Variants in PKHD1L1 observed in about 807,000 individuals in gnomAD.
PKHD1L1 encodes the protein PKHD1 like 1.
In PKHD1L1, 434 loss-of-function variants were observed where a neutral mutation model predicts 462.9. The ratio of observed to expected loss-of-function variants is 0.94; its 90% CI spans 0.87 to 1.02. The LOEUF is 1.02. Ranked by LOEUF, PKHD1L1 falls within the 50% of genes least tolerant of loss-of-function variation. PKHD1L1 has a pLI of 0.00. For synonymous variants in PKHD1L1, 1,781 were observed against 1,750.0 expected (o/e 1.02, Z -0.44); for missense variants, 5,202 against 5,096.1 (o/e 1.02, Z -0.63).
chr8:109,405,313 C>A (rs1813478698), intron 16 of PKHD1L1, among the ~76,000 whole-genome samples, 183 bp downstream of exon 16: 1 of 152,038 alleles, frequency 6.6e-6, no homozygotes, highest in African/African-American at 2.4e-5. Context: ...GACATCCATA[C>A]AAATAACTTT....
At chr8:109,470,693 T>G (rs1817671797) in intron 50 of PKHD1L1, 1 of 1,581,624 alleles carries the variant, frequency 6.3e-7, no homozygotes, top group African/African-American at 1.4e-5. Flanking sequence ...GAAAAAGGAA[T>G]GGCAAATCTG....
intron 75 of PKHD1L1, 32 bp from the exon 76 acceptor site, chr8:109,523,198 ATTG>A (rs1820642076): frequency 6.6e-7 from 1 of 1,525,136 alleles, no homozygotes; most frequent in African/African-American, 1.4e-5. Context: ...AAACAGGACA[ATTG>A]TTATAATTAT....
chr8:109,427,044 T>C lies in PKHD1L1; in HGVS notation c.2888T>C (p.Leu963Pro), dbSNP rs1281027574. ...AVSAADLQFA[L>P]QSLEGMGRIS... Reference sequence around the variant, plus strand: ...TCAGCTGCAGATCTGCAGTTTGCACTCCAGAGTCTGGAGGGAATGGGAAGA... The same window carrying C: ...TCAGCTGCAGATCTGCAGTTTGCACCCCAGAGTCTGGAGGGAATGGGAAGA... The change falls in exon 25 of 78, where the codon CTC (leucine) becomes CCC (proline). Residue 963 changes from leucine to proline, a missense_variant. Leu to Pro is a moderately conservative substitution (Grantham distance 98, BLOSUM62 -3). Coordinates refer to ENST00000378402, the MANE Select transcript of PKHD1L1 (RefSeq NM_177531.6). The C allele has an allele frequency of 6.2e-7, 1 of 1,613,408 alleles. No individual in the cohort carries two copies. The highest frequency in any genetic ancestry group is 8.5e-7 in the Non-Finnish European group (1 of 1,179,490).
At chr8:109,480,352 T>G (rs2130884340) in intron 55 of PKHD1L1, among the ~76,000 whole-genome samples, 1 of 152,198 alleles carries the variant, frequency 6.6e-6, no homozygotes, top group African/African-American at 2.4e-5. Context: ...TACTATAGGA[T>G]TCTTGAGTCT....
At position 109,458,027 on chromosome 8, in the gene PKHD1L1, G is replaced by A. The variant is rs565781927; in HGVS notation, c.7005-1568G>A. Among the ~76,000 whole-genome samples the A allele has an allele frequency of 4.6e-5, 7 of 151,922 alleles. No homozygotes were observed. In the East Asian group the frequency reaches 1.4e-3, roughly 29 times the overall value. ...CTTGTCCCCATCCACCCATTGTCTT[G>A]ATAAACAGCTTTGTTCTCCTGTCTC... is the stretch of plus-strand genomic sequence containing the variant. On this transcript the variant is annotated intron_variant, in intron 46 of 77. Transcript: ENST00000378402.
Position 109,385,519 on chromosome 8 carries a change from GT to G in PKHD1L1, c.476-13del. Reference sequence around the variant, plus strand: ...TTTTCTTACACAGAATCTTTTTGGGGTTTTTGTTTGTTTTCAGGTACACTAA... The same window carrying G: ...TTTTCTTACACAGAATCTTTTTGGGGTTTTGTTTGTTTTCAGGTACACTAA... On this transcript the variant is annotated splice_polypyrimidine_tract_variant and intron_variant, in intron 5 of 77. Coordinates refer to ENST00000378402, the MANE Select transcript of PKHD1L1 (RefSeq NM_177531.6). The G allele has an allele frequency of 2.0e-6, 3 of 1,508,532 alleles. No individual in the cohort carries two copies. Among genetic ancestry groups the G allele is most frequent in the South Asian group, 1.2e-5 (1 of 83,386 alleles). The allele number at this position is 1,508,532 out of a possible 1,614,324, so 93.4% of individuals were successfully genotyped here. A position where few individuals can be genotyped will look rare whatever the true frequency, so the allele number is the denominator to read the frequency against.
intron 27 of PKHD1L1, among the ~76,000 whole-genome samples, chr8:109,432,608 G>A (rs1586498222): frequency 6.6e-6 from 1 of 152,100 alleles, no homozygotes; most frequent in Non-Finnish European, 1.5e-5. Flanking sequence ...AGTTTAAGAC[G>A]CTGGAACACA....
intron 50 of PKHD1L1, among the ~76,000 whole-genome samples, chr8:109,471,562 C>A (rs1817718784): frequency 6.6e-6 from 1 of 152,070 alleles, no homozygotes; most frequent in African/African-American, 2.4e-5. Flanking sequence ...CACATGATAC[C>A]AGCAGCAACT....
intron 44 of PKHD1L1, 40 bp from the exon 45 acceptor site, chr8:109,454,683 G>A: frequency 6.2e-7 from 1 of 1,603,744 alleles, no homozygotes; most frequent in East Asian, 2.2e-5. Context: ...TGGATTTGGG[G>A]TTTTAATTTT....
At chr8:109,431,368 C>G (rs1011777945) in intron 27 of PKHD1L1, among the ~76,000 whole-genome samples, 1 of 152,098 alleles carries the variant, frequency 6.6e-6, no homozygotes, top group South Asian at 2.1e-4. Context: ...GTCATATTTA[C>G]TTCCAATCAT....
Position 109,480,578 on chromosome 8 carries a change from A to G in PKHD1L1, c.9327+439A>G, listed in dbSNP as rs751977337. ...GCAAGAGAAAATAAATCAAAATGTTACAGTTATTCGGAACAATCCCCACAT... is the reference window on the plus strand; with the variant it reads ...GCAAGAGAAAATAAATCAAAATGTTGCAGTTATTCGGAACAATCCCCACAT... On this transcript the variant is annotated intron_variant, in intron 55 of 77. Transcript: ENST00000378402. 17 of 455,432 alleles carry G rather than the reference A, an allele frequency of 3.7e-5. No individual in the cohort carries two copies. The East Asian group carries it at 1.2e-3, about 32-fold the overall frequency. 28.2% of individuals were successfully genotyped at this position (455,432 alleles called of 1,614,324 possible).
intron 21 of PKHD1L1, among the ~76,000 whole-genome samples, chr8:109,414,990 T>C (rs867581433): frequency 6.8e-6 from 1 of 147,468 alleles, no homozygotes; most frequent in Admixed American, 6.8e-5. Flanking sequence ...ATTATTATTA[T>C]TATTATTATT....
At chr8:109,368,944 G>A (rs142432501) in intron 2 of PKHD1L1, among the ~76,000 whole-genome samples, 1 of 151,988 alleles carries the variant, frequency 6.6e-6, no homozygotes, top group African/African-American at 2.4e-5. Flanking sequence ...ACTTCCAGAG[G>A]TGGTGTTTTT....
At position 109,378,221 on chromosome 8, in the gene PKHD1L1, A is replaced by G. The variant is rs558949293; in HGVS notation, c.164-3149A>G. Among the ~76,000 whole-genome samples the G allele has an allele frequency of 3.3e-5, 5 of 152,114 alleles. No homozygotes were observed. In the South Asian group the frequency reaches 1.0e-3, roughly 32 times the overall value. On this transcript the variant is annotated intron_variant, in intron 2 of 77. Coordinates refer to ENST00000378402, the MANE Select transcript of PKHD1L1 (RefSeq NM_177531.6). The stretch of plus-strand genomic sequence containing the variant: ...TTGAACTGATGCCATTTATCCCATT[A>G]TTTATCCCATTTTTCACTGAGATAA...
At chr8:109,508,436 C>G (rs1042947054) in intron 70 of PKHD1L1, among the ~76,000 whole-genome samples, 172 bp downstream of exon 70, 4 of 151,946 alleles carry the variant, frequency 2.6e-5, no homozygotes, top group Admixed American at 1.3e-4. Flanking sequence ...TCCTGCAGTA[C>G]CTCATCCAGG....
chr8:109,461,115 G>A (rs1311588925), intron 47 of PKHD1L1, among the ~76,000 whole-genome samples: 1 of 152,190 alleles, frequency 6.6e-6, no homozygotes, highest in Non-Finnish European at 1.5e-5. Flanking sequence ...GCAGGAAGCA[G>A]AATGCATCTT....
intron 52 of PKHD1L1, 138 bp downstream of exon 52, chr8:109,476,805 G>T (rs1818012447): frequency 4.0e-6 from 3 of 751,000 alleles, no homozygotes; most frequent in Admixed American, 7.7e-5. Flanking sequence ...TGGAAAAACT[G>T]GAGACAAAAT....
In PKHD1L1 at chr8:109,531,463, TAGAGAC is replaced by T. The variant is rs1037735385; in HGVS notation, c.*1385_*1390del. On this transcript the variant is annotated 3_prime_UTR_variant, in exon 78 of 78. Coordinates refer to ENST00000378402, the MANE Select transcript of PKHD1L1 (RefSeq NM_177531.6). ...AGAGAGACAGAGAAAGACAGAGAGA[TAGAGAC>T]AGAGACAGAGAGGGAGGGGGAGAGA... Among the ~76,000 whole-genome samples, 2 of 110,196 alleles carry T rather than the reference TAGAGAC, an allele frequency of 1.8e-5. No individual in the cohort carries two copies. The highest frequency in any genetic ancestry group is 5.3e-5 in the African/African-American group (2 of 38,026). The allele number at this position is 110,196 out of a possible 152,430, so 72.3% of individuals were successfully genotyped here. A position where few individuals can be genotyped will look rare whatever the true frequency, so the allele number is the denominator to read the frequency against.
rs1817331107 is a variant in PKHD1L1, at chr8:109,464,694, G to T, written c.7862G>T (p.Trp2621Leu). The change falls in exon 49 of 78, where the codon TGG becomes TTG. Residue 2621 changes from tryptophan (W) to leucine (L), a missense_variant. Physicochemically the swap from Trp to Leu is moderately conservative, Grantham distance 61 (BLOSUM62 -2). Around this residue, in one of 3 missense-constraint regions of PKHD1L1, gnomAD observed 4,497 missense variants for 4,336.8 expected, o/e 1.04. Transcript: ENST00000378402. The stretch of plus-strand genomic sequence containing the variant: ...AACAATACTGTCCATTCTCAAGGTT[G>T]GTTTGGAATGTGGATCTTTGAGGAA... ...FFNNTVHSQG[W>L]FGMWIFEEYF... 9.9e-6 allele frequency: 16 copies of T among 1,613,518 alleles called. No homozygotes were observed. The South Asian group carries it at 1.8e-4, about 18-fold the overall frequency.
Sources: allele counts gnomAD v4.1 joint callset (sites outside exome capture counted in the v4.1 genomes callset), GRCh38; gene constraint gnomAD v4.1.1; regional missense constraint gnomAD v4.1.1; transcripts MANE v1.5; gene names NCBI Gene and HGNC (gene_info 2026-07-23, HGNC 2026-07-21).